Variants in PLD5 observed in about 807,000 individuals in gnomAD.
PLD5 encodes the protein phospholipase D family member 5, also known as inactive phospholipase D5.
A neutral mutation model predicts 61.1 loss-of-function variants in PLD5; 36 were observed. The observed-to-expected ratio is 0.59, with a 90% CI of 0.45 to 0.78. The LOEUF is 0.78. Among genes scored for constraint, PLD5 ranks in the 30% least tolerant of loss-of-function variants. The pLI, the probability that PLD5 is intolerant of heterozygous loss-of-function variation, is 0.00. For missense variants in PLD5, 515 were observed against 644.4 expected (o/e 0.80, Z 2.17); for synonymous variants, 243 against 242.8 (o/e 1.00, Z -0.01).
At chr1:242,117,834 C>T (rs1321370629) in intron 6 of PLD5, among the ~76,000 whole-genome samples, 2 of 152,110 alleles carry the variant, frequency 1.3e-5, no homozygotes, top group African/African-American at 4.8e-5. Flanking sequence ...ACTCATTTTC[C>T]TATGCCATTA....
chr1:242,203,508 G>T (rs1574506639), intron 5 of PLD5: 4 of 152,434 alleles, frequency 2.6e-5, no homozygotes, highest in African/African-American at 9.6e-5. Context: ...AGGTGTTAGG[G>T]TCCTGGAGGT....
At chr1:242,528,719 T>C (rs1669494551), upstream of PLD5, among the ~76,000 whole-genome samples, 1 of 152,204 alleles carries the variant, frequency 6.6e-6, no homozygotes, top group South Asian at 2.1e-4. Context: ...CCAAAGCTCA[T>C]GGAGGTTAAA....
At chr1:242,366,838 T>C (rs1427700380) in intron 1 of PLD5, among the ~76,000 whole-genome samples, 1 of 152,080 alleles carries the variant, frequency 6.6e-6, no homozygotes, top group Non-Finnish European at 1.5e-5. Flanking sequence ...AGTGAATAAA[T>C]TAAAAAAAAG....
intron 1 of PLD5, among the ~76,000 whole-genome samples, chr1:242,481,224 G>A (rs1667763447): frequency 6.6e-6 from 1 of 152,170 alleles, no homozygotes; most frequent in South Asian, 2.1e-4. Flanking sequence ...AGGACAGTGG[G>A]TGCAGCGCAC....
At chr1:242,122,256 T>C (rs1339351431) in intron 6 of PLD5, among the ~76,000 whole-genome samples, 1 of 152,180 alleles carries the variant, frequency 6.6e-6, no homozygotes, top group African/African-American at 2.4e-5. Context: ...GAGACCACTC[T>C]CTCTGGGAAA....
At position 242,241,991 on chromosome 1, in the gene PLD5, C is replaced by CTATATA. The variant is rs71579089; in HGVS notation, c.608-21882_608-21877dup. 6.0e-3 allele frequency among the ~76,000 whole-genome samples: 689 copies of CTATATA among 115,288 alleles called. 10 individuals carry two copies. Among genetic ancestry groups the CTATATA allele is most frequent in the African/African-American group, 0.014 (415 of 30,186 alleles). 75.6% of individuals were successfully genotyped at this position (115,288 alleles called of 152,430 possible). ...CTTAAATATATACTATATATACTTA[C>CTATATA]TATATATATATATATATATAGACAC... On this transcript the variant is annotated intron_variant, in intron 4 of 9. Coordinates refer to ENST00000536534, the MANE Select transcript of PLD5 (RefSeq NM_001372062.1).
rs1170615870 is a variant in PLD5 at position 242,083,377 on chromosome 1, C to A, written c.*6477G>T. The A allele has an allele frequency of 6.6e-6, 1 of 152,178 alleles. No homozygotes were observed. Among genetic ancestry groups the A allele is most frequent in the Non-Finnish European group, 1.5e-5 (1 of 68,052 alleles). The allele number at this position is 152,178 out of a possible 1,614,324, so 9.4% of individuals were successfully genotyped here. A position where few individuals can be genotyped will look rare whatever the true frequency, so the allele number is the denominator to read the frequency against. On this transcript the variant is annotated 3_prime_UTR_variant, in exon 10 of 10. Coordinates refer to ENST00000536534, the MANE Select transcript of PLD5 (RefSeq NM_001372062.1). ...GAGTCTCTTTGGGTCGGGTACTGAA[C>A]CTTGGTACAATCAGCTGTGGCCAGT... is the stretch of plus-strand genomic sequence containing the variant.
intron 3 of PLD5, among the ~76,000 whole-genome samples, chr1:242,272,999 G>T (rs1558419118): frequency 6.6e-6 from 1 of 151,906 alleles, no homozygotes; most frequent in East Asian, 1.9e-4. Flanking sequence ...ATGGTGGTTT[G>T]CTGCACCTGT....
intron 2 of PLD5, among the ~76,000 whole-genome samples, chr1:242,309,772 A>G (rs542874752): frequency 6.6e-6 from 1 of 150,488 alleles, no homozygotes; most frequent in South Asian, 2.1e-4. Context: ...AGTCATTTCT[A>G]AGGTTGAAGA....
At chr1:242,233,615 G>GAAGCAAGCAAGGAAGC (rs1671450957) in intron 4 of PLD5, among the ~76,000 whole-genome samples, 1 of 152,118 alleles carries the variant, frequency 6.6e-6, no homozygotes, top group South Asian at 2.1e-4. Flanking sequence ...AGGCAGAAAA[G>GAAGCAAGCAAGGAAGC]AAGCAAGCAA....
chr1:242,227,660 A>G (rs1326309467), intron 4 of PLD5, among the ~76,000 whole-genome samples: 4 of 152,206 alleles, frequency 2.6e-5, no homozygotes, highest in African/African-American at 7.2e-5. Context: ...CACCGTGCCC[A>G]GCCCTCTTCA....
chr1:242,309,295 C>T (rs12097318), intron 2 of PLD5, among the ~76,000 whole-genome samples: 145,374 of 152,010 alleles, frequency 0.96, 69,761 homozygotes, highest in Non-Finnish European at 1. Context: ...AAACCATGGC[C>T]TTGGGCTGAT....
At chr1:242,452,483 T>G (rs1425725483) in intron 1 of PLD5, among the ~76,000 whole-genome samples, 1 of 152,052 alleles carries the variant, frequency 6.6e-6, no homozygotes, top group African/African-American at 2.4e-5. Context: ...AACTTGGACT[T>G]TTCTATAAAA....
At chr1:242,126,503 C>A (rs1023442836) in intron 5 of PLD5, among the ~76,000 whole-genome samples, 1 of 152,106 alleles carries the variant, frequency 6.6e-6, no homozygotes, top group African/African-American at 2.4e-5. Flanking sequence ...CAGAAATAAG[C>A]CCAAATACTT....
intron 5 of PLD5, among the ~76,000 whole-genome samples, chr1:242,175,489 A>G (rs1667078795): frequency 6.6e-6 from 1 of 152,196 alleles, no homozygotes; most frequent in Admixed American, 6.6e-5. Context: ...CCACATCAAT[A>G]TCATCTGGAA....
At chr1:242,343,777 AT>A (rs1224897374) in intron 2 of PLD5, among the ~76,000 whole-genome samples, 1 of 120,200 alleles carries the variant, frequency 8.3e-6, no homozygotes, top group Non-Finnish European at 2.0e-5. Context: ...AAAAAAAAAA[AT>A]TCAAAAAAAA....
At chr1:242,153,716 C>G (rs1471463341) in intron 5 of PLD5, among the ~76,000 whole-genome samples, 1 of 152,098 alleles carries the variant, frequency 6.6e-6, no homozygotes, top group Non-Finnish European at 1.5e-5. Context: ...GTCTATATCT[C>G]TGTTTTGGTA....
intron 1 of PLD5, chr1:242,377,556 C>G (rs1282215938): frequency 1.8e-6 from 1 of 544,910 alleles, no homozygotes; most frequent in African/African-American, 1.9e-5. Flanking sequence ...CGATTTCATA[C>G]TCTAGATAGA....
At position 242,083,826 on chromosome 1, in the gene PLD5, G is replaced by T. The variant is rs774602354; in HGVS notation, c.*6028C>A. 2 of 151,712 alleles carry T rather than the reference G, an allele frequency of 1.3e-5. No homozygotes were observed. The highest frequency in any genetic ancestry group is 1.5e-5 in the Non-Finnish European group (1 of 68,012). The allele number at this position is 151,712 out of a possible 1,614,324, so 9.4% of individuals were successfully genotyped here. A position where few individuals can be genotyped will look rare whatever the true frequency, so the allele number is the denominator to read the frequency against. ...TTGGAAAGTAACATATAATTTCAAC[G>T]TTTTTAATCCTGGGAATTGAGGTCA... On this transcript the variant is annotated 3_prime_UTR_variant, in exon 10 of 10. Coordinates refer to ENST00000536534, the MANE Select transcript of PLD5 (RefSeq NM_001372062.1).
Sources: gnomAD v4.1 joint callset for allele counts (sites outside exome capture counted in the v4.1 genomes callset) on GRCh38, gnomAD v4.1.1 for gene constraint, MANE v1.5 for transcripts, NCBI Gene and HGNC (gene_info 2026-07-23, HGNC 2026-07-21) for gene names.